The following RNF128 variants were observed in gnomAD, a reference collection of about 807,000 sequenced individuals.
RNF128 encodes E3 ubiquitin-protein ligase RNF128.
In RNF128, 13 loss-of-function variants were observed where a neutral mutation model predicts 26.2. The ratio of observed to expected loss-of-function variants is 0.50; its 90% confidence interval spans 0.32 to 0.79. RNF128 has a LOEUF of 0.79. Among genes scored for constraint, RNF128 ranks in the 30% least tolerant of loss-of-function variants. The pLI, the probability that RNF128 is intolerant of heterozygous loss-of-function variation, is 0.03. For synonymous variants in RNF128, 149 were observed against 142.5 expected (o/e 1.05, Z -0.32); for missense variants, 315 against 349.7 (o/e 0.90, Z 0.79).
chrX:106,791,132 T>C lies in RNF128; in HGVS notation c.1051T>C (p.Ser351Pro). The change falls in exon 6 of 7, where the codon TCC (serine) becomes CCC (proline). Residue 351 changes from serine (S) to proline (P), a missense_variant. Transcript: ENST00000255499. ...ATCCAATGAAATATCTAATAGTGCCTCCTCCCATGAAGAGGATAATCGCAG... is the reference window on the plus strand; with the variant it reads ...ATCCAATGAAATATCTAATAGTGCCCCCTCCCATGAAGAGGATAATCGCAG... ...PVSNEISNSA[S>P]SHEEDNRSET... 1 of 1,208,454 alleles carries C rather than the reference T, an allele frequency of 8.3e-7. No individual in the cohort carries two copies. The highest frequency in any genetic ancestry group is 1.1e-6 in the Non-Finnish European group (1 of 893,212).
intron 2 of RNF128, among the ~76,000 whole-genome samples, chrX:106,778,847 A>G (rs1025056770): frequency 8.9e-6 from 1 of 112,263 alleles, no homozygotes; most frequent in Non-Finnish European, 1.9e-5. Flanking sequence ...AGCATTACTA[A>G]AAATTATCTA....
intron 1 of RNF128, among the ~76,000 whole-genome samples, chrX:106,706,717 G>A (rs1042406482): frequency 1.6e-4 from 18 of 112,247 alleles, no homozygotes; most frequent in Admixed American, 1.5e-3. Flanking sequence ...TTTAAACGGC[G>A]AAAGATGTAT....
chrX:106,725,291 C>A (rs965390255), upstream of RNF128, among the ~76,000 whole-genome samples: 1 of 111,634 alleles, frequency 9.0e-6, no homozygotes, highest in African/African-American at 3.3e-5. Flanking sequence ...ATATGTTTCA[C>A]AAAATTGCAC....
At chrX:106,788,852 T>TATATATTATATATTATATAATGTATA (rs1248288693) in intron 4 of RNF128, among the ~76,000 whole-genome samples, 6 of 71,269 alleles carry the variant, frequency 8.4e-5, no homozygotes, top group East Asian at 4.2e-4. Context: ...TAATATGTAT[T>TATATATTATATATTATATAATGTATA]ATATATTATA....
chrX:106,743,011 C>T (rs1929729395), intron 1 of RNF128, among the ~76,000 whole-genome samples: 1 of 110,488 alleles, frequency 9.1e-6, no homozygotes, highest in Admixed American at 9.7e-5. Context: ...CAACAGCATA[C>T]CAAAGTATGA....
At chrX:106,764,141 A>G (rs1271061144) in intron 1 of RNF128, among the ~76,000 whole-genome samples, 1 of 106,350 alleles carries the variant, frequency 9.4e-6, no homozygotes, top group Non-Finnish European at 1.9e-5. Context: ...TTTTTTTTGT[A>G]TTTTTAGAAG....
intron 1 of RNF128, among the ~76,000 whole-genome samples, chrX:106,749,748 T>TA (rs1389104287): frequency 9.2e-6 from 1 of 108,987 alleles, no homozygotes; most frequent in African/African-American, 3.3e-5. Context: ...TTCTACAAAA[T>TA]AAAAAAATTA....
At chrX:106,764,918 C>A (rs1019817793) in intron 1 of RNF128, among the ~76,000 whole-genome samples, 43 of 111,111 alleles carry the variant, frequency 3.9e-4, no homozygotes, top group African/African-American at 1.3e-3. Flanking sequence ...ATTTTAGTGC[C>A]ATAGCTAAAA....
intron 2 of RNF128, 47 bp downstream of exon 2, chrX:106,773,207 T>C (rs1187705236): frequency 8.9e-7 from 1 of 1,129,858 alleles, no homozygotes; most frequent in Non-Finnish European, 1.2e-6. Context: ...TTTACTGTTC[T>C]AATTGTAGTT....
rs753988816 is a variant in RNF128 at position 106,704,981 on chromosome X, C to A, written c.406+10573C>A. 1.2e-4 allele frequency among the ~76,000 whole-genome samples: 13 copies of A among 111,602 alleles called. 1 individual carries two copies. The highest frequency in any genetic ancestry group is 4.2e-4 in the African/African-American group (13 of 30,692). ...CCACTCTTGAAGGAGCTGGCAAGGGCAGAGCTGAACAGATTAGAGGTGAAA... is the reference window on the plus strand; with the variant it reads ...CCACTCTTGAAGGAGCTGGCAAGGGAAGAGCTGAACAGATTAGAGGTGAAA... On this transcript the variant is annotated intron_variant, in intron 1 of 6. Coordinates refer to the RNF128 transcript ENST00000324342.
At chrX:106,703,781 G>A (rs918565632) in intron 1 of RNF128, among the ~76,000 whole-genome samples, 9 of 110,755 alleles carry the variant, frequency 8.1e-5, no homozygotes, top group Non-Finnish European at 1.5e-4. Context: ...GACCAGTACC[G>A]GGAATATGAA....
chrX:106,795,086 G>T (rs1295075131), intron 6 of RNF128, among the ~76,000 whole-genome samples: 2 of 111,239 alleles, frequency 1.8e-5, no homozygotes, highest in Non-Finnish European at 3.8e-5. Context: ...TCTTCACATG[G>T]TTATGTATTT....
chrX:106,704,067 G>A (rs1229888311), intron 1 of RNF128, among the ~76,000 whole-genome samples: 2 of 109,855 alleles, frequency 1.8e-5, no homozygotes, highest in Non-Finnish European at 3.8e-5. Flanking sequence ...CCATGGCCAA[G>A]CAGAGAGGAA....
intron 1 of RNF128, among the ~76,000 whole-genome samples, chrX:106,765,786 T>G: frequency 9.0e-6 from 1 of 111,439 alleles, no homozygotes; most frequent in East Asian, 2.8e-4. Flanking sequence ...TCACATATGT[T>G]TACATGTGCC....
rs2147706971 is a variant in RNF128, at chrX:106,796,170, A to T, written c.*457A>T. Reference sequence around the variant, plus strand: ...GGAATTGTAATGTAAAAAGCAATGCAAACTTAGGCGAGTACTTCTTGAAAT... The same window carrying T: ...GGAATTGTAATGTAAAAAGCAATGCTAACTTAGGCGAGTACTTCTTGAAAT... On this transcript the variant is annotated 3_prime_UTR_variant, in exon 7 of 7. Transcript: ENST00000255499. 1 of 112,435 alleles carries T rather than the reference A, an allele frequency of 8.9e-6. No homozygotes were observed. The highest frequency in any genetic ancestry group is 3.2e-5 in the African/African-American group (1 of 30,998). The allele number at this position is 112,435 out of a possible 1,213,427, so 9.3% of individuals were successfully genotyped here.
chrX:106,726,217 A>C (rs1929389637), upstream of RNF128, among the ~76,000 whole-genome samples: 1 of 111,410 alleles, frequency 9.0e-6, no homozygotes, highest in Non-Finnish European at 1.9e-5. Context: ...GAAAGGTGCC[A>C]TTTGAAGTCA....
intron 2 of RNF128, among the ~76,000 whole-genome samples, chrX:106,774,920 T>A (rs1930440929): frequency 8.9e-6 from 1 of 112,382 alleles, no homozygotes; most frequent in African/African-American, 3.2e-5. Context: ...GTGAGGATTT[T>A]TATATAGCAA....
chrX:106,783,284 T>G (rs981810635), intron 2 of RNF128, among the ~76,000 whole-genome samples: 5 of 111,789 alleles, frequency 4.5e-5, no homozygotes, highest in Non-Finnish European at 9.4e-5. Context: ...CTACTGATAC[T>G]TATAGATTCT....
At chrX:106,715,835 A>G (rs908618518) in intron 1 of RNF128, among the ~76,000 whole-genome samples, 5 of 111,598 alleles carry the variant, frequency 4.5e-5, no homozygotes, top group Non-Finnish European at 9.4e-5. Context: ...CAGTTCAGGC[A>G]GGGCAACAGA....
Sources: gnomAD v4.1 joint callset for allele counts (sites outside exome capture counted in the v4.1 genomes callset) on GRCh38, gnomAD v4.1.1 for gene constraint, MANE v1.5 for transcripts, NCBI Gene and HGNC (gene_info 2026-07-23, HGNC 2026-07-21) for gene names.